The following KLF12 variants were observed in gnomAD, a reference collection of about 807,000 sequenced individuals.
The protein encoded by KLF12 is Krueppel-like factor 12.
Under a neutral mutation model 37.8 loss-of-function variants are expected in KLF12, and 9 were observed. That is an observed-to-expected ratio of 0.24 (90% CI 0.14 to 0.42). KLF12 has a LOEUF of 0.42. KLF12 is among the 10% of genes least tolerant of loss of function. The probability of loss-of-function intolerance (pLI) is 1.00; values close to 1 mark genes in which losing one functional copy is unlikely to be tolerated. For synonymous variants in KLF12, 208 were observed against 202.1 expected (o/e 1.03, Z -0.25); for missense variants, 411 against 516.0 (o/e 0.80, Z 1.97).
At chr13:74,202,117 T>C in the KLF12 span, among the ~76,000 whole-genome samples, 1 of 152,136 alleles carries the variant, frequency 6.6e-6, no homozygotes, top group Non-Finnish European at 1.5e-5. Flanking sequence ...AAAATACAAA[T>C]AATTTGAAAG....
the KLF12 span, among the ~76,000 whole-genome samples, chr13:74,194,326 A>C: frequency 6.6e-6 from 1 of 152,222 alleles, no homozygotes; most frequent in East Asian, 1.9e-4. Flanking sequence ...ACACTGTCTT[A>C]GTCTGTTTGC....
intron 1 of KLF12, among the ~76,000 whole-genome samples, chr13:74,112,214 G>C (rs1053191386): frequency 8.6e-5 from 13 of 151,770 alleles, no homozygotes; most frequent in Non-Finnish European, 1.9e-4. Flanking sequence ...CTGTGTGTGT[G>C]TGTGTGTGTA....
chr13:74,266,485 C>T, the KLF12 span, among the ~76,000 whole-genome samples: 1 of 152,168 alleles, frequency 6.6e-6, no homozygotes, highest in Admixed American at 6.5e-5. Flanking sequence ...TACACACACA[C>T]ATATGCACAG....
intron 5 of KLF12, among the ~76,000 whole-genome samples, chr13:73,796,921 A>G (rs1882005380): frequency 6.6e-6 from 1 of 152,200 alleles, no homozygotes; most frequent in Non-Finnish European, 1.5e-5. Context: ...GCAATGAAAG[A>G]AGGCTGAAAA....
At chr13:73,984,604 C>G (rs994518253) in intron 2 of KLF12, among the ~76,000 whole-genome samples, 1 of 152,162 alleles carries the variant, frequency 6.6e-6, no homozygotes, top group Non-Finnish European at 1.5e-5. Flanking sequence ...GTGATTTCAG[C>G]TCTGGCGCCA....
chr13:74,002,782 G>C (rs980343831), intron 1 of KLF12, among the ~76,000 whole-genome samples: 1 of 152,224 alleles, frequency 6.6e-6, no homozygotes, highest in Admixed American at 6.5e-5. Flanking sequence ...AAAAGTCACT[G>C]ATTTATAATA....
the KLF12 span, among the ~76,000 whole-genome samples, chr13:74,219,369 G>A: frequency 6.6e-6 from 1 of 152,062 alleles, no homozygotes; most frequent in South Asian, 2.1e-4. Context: ...ATTTCCATGT[G>A]AGTATAAAAG....
chr13:73,859,797 C>T (rs923256482), intron 3 of KLF12, among the ~76,000 whole-genome samples: 7 of 151,114 alleles, frequency 4.6e-5, no homozygotes, highest in Admixed American at 1.3e-4. Context: ...TGAGAAAAGA[C>T]GGTAGGATAA....
the KLF12 span, among the ~76,000 whole-genome samples, chr13:74,233,345 T>C: frequency 1.3e-5 from 2 of 152,148 alleles, no homozygotes; most frequent in African/African-American, 2.4e-5. Context: ...CCATCCACTA[T>C]GTGCCCTGAA....
intron 6 of KLF12, among the ~76,000 whole-genome samples, chr13:73,762,244 A>G (rs1056263088): frequency 6.6e-6 from 1 of 152,106 alleles, no homozygotes; most frequent in African/African-American, 2.4e-5. Context: ...CACACTTTCA[A>G]TTCCAGTGGA....
the KLF12 span, among the ~76,000 whole-genome samples, chr13:74,225,632 C>T: frequency 2.0e-5 from 3 of 152,096 alleles, no homozygotes; most frequent in Non-Finnish European, 4.4e-5. Context: ...CAGTGAGATC[C>T]AGCCTTTACC....
chr13:73,843,337 C>T (rs1031782301), intron 4 of KLF12, among the ~76,000 whole-genome samples: 1 of 151,478 alleles, frequency 6.6e-6, no homozygotes, highest in African/African-American at 2.4e-5. Context: ...AAGAGTCTCA[C>T]CCTGTTGCCC....
At chr13:74,156,841 A>T in the KLF12 span, among the ~76,000 whole-genome samples, 1 of 152,154 alleles carries the variant, frequency 6.6e-6, no homozygotes, top group Non-Finnish European at 1.5e-5. Context: ...GTATTCCATC[A>T]TGTATATGTA....
the KLF12 span, among the ~76,000 whole-genome samples, chr13:74,304,925 G>A: frequency 1.1e-4 from 17 of 152,132 alleles, no homozygotes; most frequent in African/African-American, 1.9e-4. Flanking sequence ...CCGCATTGCC[G>A]AGGATAATTC....
At chr13:74,146,338 G>T in the KLF12 span, among the ~76,000 whole-genome samples, 2 of 152,090 alleles carry the variant, frequency 1.3e-5, no homozygotes, top group Admixed American at 6.6e-5. Context: ...TCCATCAGGA[G>T]CAATACCTGC....
the KLF12 span, among the ~76,000 whole-genome samples, chr13:74,261,917 C>A: frequency 8.0e-4 from 122 of 152,294 alleles, no homozygotes; most frequent in African/African-American, 2.7e-3. Context: ...TGAACATGCT[C>A]ATCCATTGAG....
chr13:74,260,228 T>G, the KLF12 span, among the ~76,000 whole-genome samples: 1 of 152,228 alleles, frequency 6.6e-6, no homozygotes, highest in Admixed American at 6.5e-5. Flanking sequence ...GAGCATGCTG[T>G]TCTCTCTCAT....
chr13:73,965,814 C>T (rs1314003241), intron 2 of KLF12, among the ~76,000 whole-genome samples: 1 of 152,188 alleles, frequency 6.6e-6, no homozygotes, highest in Non-Finnish European at 1.5e-5. Context: ...TTATAACATG[C>T]TCTTCAAGCT....
At position 74,107,580 on chromosome 13, in the gene KLF12, A is replaced by G. The variant is rs145984387; in HGVS notation, c.-32+26159T>C. 1.1e-4 allele frequency among the ~76,000 whole-genome samples: 16 copies of G among 152,368 alleles called. No homozygotes were observed. In the East Asian group the frequency reaches 2.7e-3, roughly 26 times the overall value. ...CATGCGCACACATGTGAACCAATAT[A>G]AAGACTAAAAGGCAGAGAAATAAAC... On this transcript the variant is annotated intron_variant, in intron 1 of 7. Transcript: ENST00000377669.
Sources: gnomAD v4.1 joint callset for allele counts (sites outside exome capture counted in the v4.1 genomes callset) on GRCh38, gnomAD v4.1.1 for gene constraint, MANE v1.5 for transcripts, NCBI Gene and HGNC (gene_info 2026-07-23, HGNC 2026-07-21) for gene names.